The following ZPBP variants were observed in gnomAD, a reference collection of about 807,000 sequenced individuals.
The protein encoded by ZPBP is zona pellucida-binding protein 1.
ZPBP carries 26 observed loss-of-function variants against 44.8 expected under a neutral mutation model. The observed-to-expected ratio is 0.58, with a 90% CI of 0.43 to 0.81. The LOEUF (loss-of-function observed/expected upper bound fraction) is 0.81. Among genes scored for constraint, ZPBP ranks in the 30% least tolerant of loss-of-function variants. The pLI is 0.00. For missense variants in ZPBP, 409 were observed against 434.0 expected (o/e 0.94, Z 0.51); for synonymous variants, 174 against 153.2 (o/e 1.14, Z -1.00).
intron 4 of ZPBP, 65 bp from the exon 5 acceptor site, chr7:50,031,375 CTATT>C: frequency 8.6e-7 from 1 of 1,168,772 alleles, no homozygotes; most frequent in South Asian, 1.4e-5. Context: ...CATATTGCAA[CTATT>C]TAAGAAATAT....
intron 1 of ZPBP, among the ~76,000 whole-genome samples, chr7:49,902,931 AAAC>A (rs1194287048): frequency 6.6e-6 from 1 of 152,184 alleles, no homozygotes; most frequent in Non-Finnish European, 1.5e-5. Flanking sequence ...TAAAAACACC[AAAC>A]AATTCAGTTA....
intron 2 of ZPBP, among the ~76,000 whole-genome samples, chr7:49,854,177 A>C (rs1479943804): frequency 2.0e-5 from 3 of 152,136 alleles, no homozygotes; most frequent in Non-Finnish European, 4.4e-5. Flanking sequence ...ATAAGCATAC[A>C]TGTGCACGTG....
At position 50,020,208 on chromosome 7, in the gene ZPBP, T is replaced by A. The variant is rs545275704; in HGVS notation, c.707-1892A>T. 2.0e-3 allele frequency among the ~76,000 whole-genome samples: 305 copies of A among 152,204 alleles called. 1 individual carries two copies. The highest frequency in any genetic ancestry group is 3.4e-3 in the Middle Eastern group (1 of 294). ...TGGCAGACCTGAGTCTACCAATGCA[T>A]CATAAAATGATTATGAGATTGAATC... On this transcript the variant is annotated intron_variant, in intron 5 of 7. Coordinates refer to ENST00000046087, the MANE Select transcript of ZPBP (RefSeq NM_007009.3).
At chr7:49,885,352 AT>A (rs1212356195) in intron 2 of ZPBP, among the ~76,000 whole-genome samples, 6 of 152,126 alleles carry the variant, frequency 3.9e-5, no homozygotes, top group East Asian at 1.9e-4. Flanking sequence ...TTTTTAAAAA[AT>A]ATCTCTGAAA....
intron 4 of ZPBP, among the ~76,000 whole-genome samples, chr7:50,046,306 T>C (rs1159053589): frequency 6.6e-6 from 1 of 152,192 alleles, no homozygotes; most frequent in East Asian, 1.9e-4. Flanking sequence ...TGGGATTTAA[T>C]TTAACTAAAG....
intron 1 of ZPBP, among the ~76,000 whole-genome samples, chr7:49,910,753 C>G (rs1454679455): frequency 2.6e-5 from 4 of 152,110 alleles, no homozygotes; most frequent in Non-Finnish European, 4.4e-5. Flanking sequence ...TACAGAGATC[C>G]TCAATTCTCA....
At chr7:49,852,901 CTG>C (rs746073327) in intron 2 of ZPBP, among the ~76,000 whole-genome samples, 201 of 152,344 alleles carry the variant, frequency 1.3e-3, no homozygotes, top group Non-Finnish European at 2.3e-3. Context: ...CCAGGGCACT[CTG>C]TGGACTTGGG....
intron 1 of ZPBP, among the ~76,000 whole-genome samples, chr7:50,090,979 T>C (rs1802963901): frequency 1.3e-5 from 2 of 152,254 alleles, no homozygotes; most frequent in African/African-American, 4.8e-5. Context: ...CATCTATTTT[T>C]TTTTTTATTT....
chr7:49,875,369 C>CAAAAAAAAAAAAAAAAAAAAAAAAAAA (rs71018432), intron 2 of ZPBP, among the ~76,000 whole-genome samples: 1 of 19,016 alleles, frequency 5.3e-5, no homozygotes, highest in Non-Finnish European at 8.5e-5. Flanking sequence ...GATTCTGACT[C>CAAAAAAAAAAAAAAAAAAAAAAAAAAA]AAAAAAAAAA....
intron 6 of ZPBP, among the ~76,000 whole-genome samples, chr7:49,989,135 G>A (rs1430500500): frequency 1.3e-5 from 2 of 152,218 alleles, no homozygotes; most frequent in Admixed American, 1.3e-4. Context: ...TGCAATTGGA[G>A]AAATTGGTTG....
chr7:49,978,798 G>C (rs1187971995), intron 7 of ZPBP, among the ~76,000 whole-genome samples: 1 of 151,834 alleles, frequency 6.6e-6, no homozygotes, highest in Non-Finnish European at 1.5e-5. Flanking sequence ...TTTCTATTCA[G>C]AGAATTATTT....
intron 5 of ZPBP, among the ~76,000 whole-genome samples, chr7:50,019,133 T>C (rs138263995): frequency 0.011 from 1,699 of 152,192 alleles, 17 homozygotes; most frequent in Non-Finnish European, 0.02. Flanking sequence ...GGCTGAATAA[T>C]GTGATTTTTG....
At chr7:50,046,808 G>C (rs1800390247) in intron 4 of ZPBP, among the ~76,000 whole-genome samples, 1 of 152,032 alleles carries the variant, frequency 6.6e-6, no homozygotes, top group Admixed American at 6.5e-5. Context: ...TATGCCCAAA[G>C]GATTATAAAT....
intron 4 of ZPBP, among the ~76,000 whole-genome samples, chr7:50,046,002 A>G (rs1449178612): frequency 6.6e-6 from 1 of 152,216 alleles, no homozygotes; most frequent in Non-Finnish European, 1.5e-5. Context: ...ACACATCTAC[A>G]ACCATCTGAT....
chr7:50,088,332 A>C (rs1802777998), intron 2 of ZPBP, among the ~76,000 whole-genome samples: 1 of 152,058 alleles, frequency 6.6e-6, no homozygotes, highest in African/African-American at 2.4e-5. Flanking sequence ...TCTTATAAAG[A>C]AACATAGGAA....
intron 2 of ZPBP, among the ~76,000 whole-genome samples, chr7:49,872,887 G>A (rs1259057604): frequency 7.9e-6 from 1 of 126,588 alleles, no homozygotes. Context: ...TTGCACTCCA[G>A]CCTGGGAGAC....
chr7:49,963,861 C>G (rs1254799748), intron 7 of ZPBP, among the ~76,000 whole-genome samples: 1 of 151,384 alleles, frequency 6.6e-6, no homozygotes, highest in Non-Finnish European at 1.5e-5. Context: ...GGAAGGAATA[C>G]TGCCCAACTT....
At chr7:50,020,005 G>A (rs184839492) in intron 5 of ZPBP, among the ~76,000 whole-genome samples, 49 of 150,424 alleles carry the variant, frequency 3.3e-4, no homozygotes, top group African/African-American at 1.1e-3. Flanking sequence ...CTGAGATCAC[G>A]CCACTGCACT....
At chr7:50,081,161 T>C (rs1802331945) in intron 3 of ZPBP, among the ~76,000 whole-genome samples, 1 of 151,716 alleles carries the variant, frequency 6.6e-6, no homozygotes. Flanking sequence ...AATAAGCCTG[T>C]AAGTTTCTAT....
Sources: gnomAD v4.1 joint callset for allele counts (sites outside exome capture counted in the v4.1 genomes callset) on GRCh38, gnomAD v4.1.1 for gene constraint, MANE v1.5 for transcripts, NCBI Gene and HGNC (gene_info 2026-07-23, HGNC 2026-07-21) for gene names.